The following GRAMD1B variants were observed in gnomAD, a reference collection of about 807,000 sequenced individuals.
GRAMD1B encodes the protein GRAM domain containing 1B.
A neutral mutation model predicts 99.7 loss-of-function variants in GRAMD1B; 37 were observed. The observed-to-expected ratio is 0.37, with a 90% CI of 0.29 to 0.49. The LOEUF (loss-of-function observed/expected upper bound fraction) is 0.49, where lower values mean the gene tolerates loss of function less well. Among genes scored for constraint, GRAMD1B ranks in the 20% least tolerant of loss-of-function variants. The pLI, the probability that GRAMD1B is intolerant of heterozygous loss-of-function variation, is 0.98. For missense variants in GRAMD1B, 888 were observed against 1,009.2 expected (o/e 0.88, Z 1.63); for synonymous variants, 427 against 387.6 (o/e 1.10, Z -1.19).
Position 123,619,185 on chromosome 11 carries a change from G to C in GRAMD1B, c.2505G>C (p.Trp835Cys). 6.4e-7 allele frequency: 1 copy of C among 1,567,118 alleles called. No homozygotes were observed. Among genetic ancestry groups the C allele is most frequent in the Non-Finnish European group, 8.7e-7 (1 of 1,155,824 alleles). Residue 835 changes from tryptophan to cysteine, a missense_variant, in exon 19 of 20, where the codon TGG becomes TGC. Trp to Cys is a radical substitution (Grantham distance 215). Transcript: ENST00000635736. ...QKYHDTELQKWREIIKSSVML... is the reference protein window; with the variant it reads ...QKYHDTELQKCREIIKSSVML... Reference sequence around the variant, plus strand: ...ACCACGATACTGAGCTCCAAAAATGGAGGGAAATCATCAAATCCTCAGTGA... The same window carrying C: ...ACCACGATACTGAGCTCCAAAAATGCAGGGAAATCATCAAATCCTCAGTGA...
At chr11:123,536,320 C>T (rs1428960305) in intron 2 of GRAMD1B, among the ~76,000 whole-genome samples, 3 of 152,114 alleles carry the variant, frequency 2.0e-5, no homozygotes, top group Admixed American at 2.0e-4. Context: ...GAGGTTGAGG[C>T]ATGAGAATAG....
chr11:123,439,553 T>C (rs1368138726), intron 1 of GRAMD1B, among the ~76,000 whole-genome samples: 2 of 152,086 alleles, frequency 1.3e-5, no homozygotes, highest in Admixed American at 6.6e-5. Context: ...CCCTAACACA[T>C]TGGGTAGTCA....
At chr11:123,622,328 G>A (rs919341222) in intron 19 of GRAMD1B, among the ~76,000 whole-genome samples, 178 bp from the exon 20 acceptor site, 3 of 152,134 alleles carry the variant, frequency 2.0e-5, no homozygotes, top group Admixed American at 2.0e-4. Context: ...CAGCCTGACT[G>A]TCCCCTTTCT....
Position 123,375,972 on chromosome 11 carries a change from G to A in GRAMD1B, c.-176+17173G>A, listed in dbSNP as rs182108525. Reference sequence around the variant, plus strand: ...TTTTTTTTCCAGAGTTGTCTGGCTGGCCTGCCTCATGCAAACATGTTGGGC... The same window carrying A: ...TTTTTTTTCCAGAGTTGTCTGGCTGACCTGCCTCATGCAAACATGTTGGGC... On this transcript the variant is annotated intron_variant, in intron 1 of 20. Coordinates refer to the GRAMD1B transcript ENST00000638157. 5.9e-5 allele frequency among the ~76,000 whole-genome samples: 9 copies of A among 152,108 alleles called. No individual in the cohort carries two copies. The East Asian group carries it at 1.4e-3, about 23-fold the overall frequency.
intron 1 of GRAMD1B, among the ~76,000 whole-genome samples, chr11:123,371,672 C>T (rs1317225710): frequency 6.6e-6 from 1 of 152,190 alleles, no homozygotes; most frequent in Non-Finnish European, 1.5e-5. Flanking sequence ...CAAGTGTTGT[C>T]ACCAGGTGCC....
At chr11:123,617,968 G>A (rs768893361) in intron 17 of GRAMD1B, among the ~76,000 whole-genome samples, 1 of 152,132 alleles carries the variant, frequency 6.6e-6, no homozygotes, top group African/African-American at 2.4e-5. Flanking sequence ...CCTGCCAGCC[G>A]GTATCAGGTT....
At chr11:123,360,779 C>T (rs1159850972) in intron 1 of GRAMD1B, among the ~76,000 whole-genome samples, 1 of 60,106 alleles carries the variant, frequency 1.7e-5, no homozygotes, top group Non-Finnish European at 2.9e-5. Flanking sequence ...TTCCTTCCTT[C>T]CTTCCTTCCT....
At chr11:123,608,515 C>T (rs1953051555) in intron 11 of GRAMD1B, 144 bp from the exon 12 acceptor site, 2 of 1,540,538 alleles carry the variant, frequency 1.3e-6, no homozygotes, top group African/African-American at 2.7e-5. Flanking sequence ...CCCACGAGCT[C>T]AGCTGTCCTG....
intron 8 of GRAMD1B, 137 bp downstream of exon 8, chr11:123,600,685 A>G (rs996877573): frequency 8.6e-6 from 5 of 578,754 alleles, no homozygotes; most frequent in South Asian, 2.3e-5. Context: ...AAAGTAGCAT[A>G]TAATCTCCCA....
chr11:123,380,604 C>A (rs919326234), intron 1 of GRAMD1B, among the ~76,000 whole-genome samples: 3 of 152,160 alleles, frequency 2.0e-5, no homozygotes, highest in Non-Finnish European at 4.4e-5. Context: ...CGGATGGACC[C>A]TTTGTAGTTG....
chr11:123,618,340 A>G (rs1255664309), intron 17 of GRAMD1B: 13 of 1,612,134 alleles, frequency 8.1e-6, no homozygotes, highest in Admixed American at 1.7e-5. Flanking sequence ...CCTTGCTCCC[A>G]TTAGGATCTG....
chr11:123,433,892 G>A (rs1241861629), intron 1 of GRAMD1B, among the ~76,000 whole-genome samples: 1 of 152,052 alleles, frequency 6.6e-6, no homozygotes, highest in Non-Finnish European at 1.5e-5. Flanking sequence ...TCATCTAGAT[G>A]TAGTTCAGGC....
At chr11:123,570,421 CTTTTTTTTTT>C (rs755038860) in intron 2 of GRAMD1B, among the ~76,000 whole-genome samples, 2 of 130,588 alleles carry the variant, frequency 1.5e-5, no homozygotes, top group African/African-American at 2.9e-5. Context: ...TTTTTCTTTT[CTTTTTTTTTT>C]TTTTTTTTTT....
rs113567469 is a variant in GRAMD1B, at chr11:123,526,011, C to T, written c.452+45118C>T. On this transcript the variant is annotated intron_variant, in intron 2 of 19. Transcript: ENST00000635736. ...TGGCTCTTTCTCCCTTTCTCTCTTT[C>T]TCTTTCTGTGTTCAAGTCACATTAC... The T allele has an allele frequency of 2.4e-4, 167 of 710,240 alleles. 2 individuals carry two copies. Among genetic ancestry groups the T allele is most frequent in the African/African-American group, 2.0e-3 (114 of 57,096 alleles). The allele number at this position is 710,240 out of a possible 1,614,324, so 44.0% of individuals were successfully genotyped here. A position where few individuals can be genotyped will look rare whatever the true frequency, so the allele number is the denominator to read the frequency against.
At chr11:123,523,398 G>A (rs1482368904) in intron 2 of GRAMD1B, among the ~76,000 whole-genome samples, 5 of 152,104 alleles carry the variant, frequency 3.3e-5, no homozygotes, top group African/African-American at 1.2e-4. Flanking sequence ...AAAATCATGA[G>A]GTACTGCCTT....
At chr11:123,474,421 C>T (rs572881140) in intron 1 of GRAMD1B, among the ~76,000 whole-genome samples, 6 of 152,190 alleles carry the variant, frequency 3.9e-5, no homozygotes, top group Non-Finnish European at 7.3e-5. Context: ...GTCTCTCTGA[C>T]GCCATATCCT....
intron 1 of GRAMD1B, among the ~76,000 whole-genome samples, chr11:123,369,150 AG>A (rs1246610436): frequency 6.6e-6 from 1 of 152,060 alleles, no homozygotes; most frequent in Non-Finnish European, 1.5e-5. Flanking sequence ...AAATGCAAAA[AG>A]TTAGCCAGGC....
At chr11:123,499,960 A>G (rs67351341) in intron 2 of GRAMD1B, among the ~76,000 whole-genome samples, 20,263 of 152,174 alleles carry the variant, frequency 0.13, 1,819 homozygotes, top group East Asian at 0.47. Flanking sequence ...AAACAGATCT[A>G]TTGTCTGTGT....
intron 1 of GRAMD1B, among the ~76,000 whole-genome samples, chr11:123,457,126 A>AAAGAAAGAAAGAAAGAAAGAAAGGAAGG (rs1565514277): frequency 2.0e-5 from 3 of 147,858 alleles, no homozygotes; most frequent in East Asian, 2.4e-4. Context: ...AAAAAGAAAG[A>AAAGAAAGAAAGAAAGAAAGAAAGGAAGG]AAGAAAGAAA....
Sources: allele counts gnomAD v4.1 joint callset (sites outside exome capture counted in the v4.1 genomes callset), GRCh38; gene constraint gnomAD v4.1.1; transcripts MANE v1.5; gene names NCBI Gene and HGNC (gene_info 2026-07-23, HGNC 2026-07-21).